Variants in NRF1 observed in about 807,000 individuals in gnomAD.
NRF1 encodes alpha palindromic-binding protein.
Under a neutral mutation model 58.5 loss-of-function variants are expected in NRF1, and 5 were observed. The observed-to-expected ratio is 0.09, with a 90% CI of 0.04 to 0.18. The LOEUF (loss-of-function observed/expected upper bound fraction) is 0.18. Among genes scored for constraint, NRF1 ranks in the 10% least tolerant of loss-of-function variants. The probability of loss-of-function intolerance (pLI) is 1.00; values close to 1 mark genes in which losing one functional copy is unlikely to be tolerated. For synonymous variants in NRF1, 224 were observed against 246.7 expected (o/e 0.91, Z 0.86); for missense variants, 288 against 657.7 (o/e 0.44, Z 6.15).
intron 1 of NRF1, among the ~76,000 whole-genome samples, chr7:129,643,072 A>T (rs995360678): frequency 2.6e-5 from 4 of 152,188 alleles, no homozygotes; most frequent in African/African-American, 9.7e-5. Flanking sequence ...AGTACCTGAT[A>T]AGAATTCAGT....
chr7:129,696,263 A>G (rs958637509), intron 5 of NRF1, among the ~76,000 whole-genome samples: 3 of 152,222 alleles, frequency 2.0e-5, no homozygotes, highest in Admixed American at 6.5e-5. Context: ...ATAAAAATAA[A>G]TAAATAAAGT....
At chr7:129,620,982 A>T (rs566527143) in intron 1 of NRF1, among the ~76,000 whole-genome samples, 66 of 152,312 alleles carry the variant, frequency 4.3e-4, no homozygotes, top group African/African-American at 1.3e-3. Context: ...ATACTTTGAG[A>T]TCCAGGATGA....
intron 1 of NRF1, among the ~76,000 whole-genome samples, chr7:129,649,068 A>G (rs777048304): frequency 4.0e-4 from 61 of 152,128 alleles, no homozygotes; most frequent in Non-Finnish European, 7.4e-4. Context: ...TTTACTCACA[A>G]TTAAGCCACA....
chr7:129,632,073 G>A lies in NRF1; in HGVS notation c.-7+20249G>A, dbSNP rs892589576. The stretch of plus-strand genomic sequence containing the variant: ...GAGGACTGCTTGAGGCCAGTAGTTC[G>A]AGACCAGACTGGGCAACATAATAAG... On this transcript the variant is annotated intron_variant, in intron 1 of 10. Transcript: ENST00000393232. Among the ~76,000 whole-genome samples the A allele has an allele frequency of 2.0e-5, 3 of 152,118 alleles. No homozygotes were observed. In the East Asian group the frequency reaches 5.8e-4, roughly 29 times the overall value.
chr7:129,739,889 A>T (rs1169515911), intron 10 of NRF1, among the ~76,000 whole-genome samples: 2 of 152,212 alleles, frequency 1.3e-5, no homozygotes, highest in Non-Finnish European at 2.9e-5. Flanking sequence ...TGACTATTGC[A>T]TGAATTCCAG....
At chr7:129,673,577 C>G (rs1278394249) in intron 3 of NRF1, among the ~76,000 whole-genome samples, 3 of 151,590 alleles carry the variant, frequency 2.0e-5, no homozygotes, top group African/African-American at 7.3e-5. Flanking sequence ...ATTAGCCGGG[C>G]GCAGTGGCGG....
intron 1 of NRF1, among the ~76,000 whole-genome samples, chr7:129,650,543 T>C (rs1281392561): frequency 6.6e-6 from 1 of 152,134 alleles, no homozygotes; most frequent in East Asian, 1.9e-4. Flanking sequence ...AATGAAGAAA[T>C]TGAGGCCCAG....
intron 1 of NRF1, among the ~76,000 whole-genome samples, chr7:129,629,135 A>C (rs1183659545): frequency 1.3e-5 from 2 of 152,250 alleles, no homozygotes; most frequent in Non-Finnish European, 2.9e-5. Context: ...ACCCACTTTT[A>C]ATTTTTGAGA....
intron 10 of NRF1, among the ~76,000 whole-genome samples, chr7:129,732,719 C>T (rs1369632375): frequency 6.6e-6 from 1 of 152,052 alleles, no homozygotes; most frequent in East Asian, 2.0e-4. Flanking sequence ...TCTCTTGCCT[C>T]AGCCTCCCGA....
intron 1 of NRF1, among the ~76,000 whole-genome samples, chr7:129,638,484 G>A (rs932106895): frequency 7.9e-5 from 12 of 152,188 alleles, no homozygotes; most frequent in African/African-American, 2.4e-4. Context: ...GGCCAGGACC[G>A]AGTAGCTGCT....
At chr7:129,686,472 C>T (rs2151090834) in intron 4 of NRF1, among the ~76,000 whole-genome samples, 1 of 152,276 alleles carries the variant, frequency 6.6e-6, no homozygotes, top group Non-Finnish European at 1.5e-5. Context: ...TTTAGAGCTA[C>T]ATAAAAATTT....
At chr7:129,646,008 C>T (rs1464186616) in intron 1 of NRF1, among the ~76,000 whole-genome samples, 1 of 152,146 alleles carries the variant, frequency 6.6e-6, no homozygotes, top group African/African-American at 2.4e-5. Context: ...TACCACCACA[C>T]CCGGCTGATT....
chr7:129,682,209 C>T (rs1429218135), intron 4 of NRF1, among the ~76,000 whole-genome samples: 1 of 151,590 alleles, frequency 6.6e-6, no homozygotes, highest in South Asian at 2.1e-4. Flanking sequence ...TGTATAATCC[C>T]AGCACTTTGG....
chr7:129,619,076 G>T (rs1448274786), intron 1 of NRF1, among the ~76,000 whole-genome samples: 2 of 151,600 alleles, frequency 1.3e-5, no homozygotes, highest in East Asian at 3.9e-4. Flanking sequence ...TATCAGGAGT[G>T]AAGAAAAAAA....
At chr7:129,618,042 G>A (rs1455228442) in intron 1 of NRF1, among the ~76,000 whole-genome samples, 2 of 152,146 alleles carry the variant, frequency 1.3e-5, no homozygotes, top group East Asian at 3.9e-4. Flanking sequence ...CATCCACTAT[G>A]GTTTTTAAAA....
chr7:129,677,834 A>G (rs1802218099), intron 4 of NRF1, 76 bp downstream of exon 4: 8 of 1,561,944 alleles, frequency 5.1e-6, no homozygotes, highest in Non-Finnish European at 7.0e-6. Context: ...TCCTCTGTCA[A>G]GTATAACAGT....
At chr7:129,622,226 G>A (rs35813096) in intron 1 of NRF1, among the ~76,000 whole-genome samples, 7,777 of 152,132 alleles carry the variant, frequency 0.051, 243 homozygotes, top group Middle Eastern at 0.095. Context: ...ATGCATTAGC[G>A]TTTACGAGCA....
At chr7:129,659,458 G>C (rs1043067927) in intron 2 of NRF1, among the ~76,000 whole-genome samples, 2 of 152,000 alleles carry the variant, frequency 1.3e-5, no homozygotes, top group African/African-American at 4.8e-5. Context: ...TTTTACTTCT[G>C]CCTAAAGACA....
chr7:129,686,083 CAG>C, intron 4 of NRF1, among the ~76,000 whole-genome samples: 1 of 116,776 alleles, frequency 8.6e-6, no homozygotes. Context: ...GCCTAGGCAA[CAG>C]AGTAGGACTG....
Sources: allele counts gnomAD v4.1 joint callset (sites outside exome capture counted in the v4.1 genomes callset), GRCh38; gene constraint gnomAD v4.1.1; transcripts MANE v1.5; gene names NCBI Gene and HGNC (gene_info 2026-07-23, HGNC 2026-07-21).